Variants in ICA1 observed in about 807,000 individuals in gnomAD.
ICA1 encodes the protein islet cell autoantigen 1.
ICA1 carries 40 observed loss-of-function variants against 71.0 expected under a neutral mutation model. The ratio of observed to expected loss-of-function variants is 0.56; its 90% CI spans 0.44 to 0.73. ICA1 has a LOEUF of 0.73. Among genes scored for constraint, ICA1 ranks in the 30% least tolerant of loss-of-function variants. ICA1 has a pLI of 0.00. For synonymous variants in ICA1, 207 were observed against 209.5 expected (o/e 0.99, Z 0.10); for missense variants, 578 against 576.5 (o/e 1.00, Z -0.03).
chr7:8,174,742 C>G (rs1406557823), intron 6 of ICA1, among the ~76,000 whole-genome samples: 1 of 58,024 alleles, frequency 1.7e-5, no homozygotes, highest in African/African-American at 3.9e-5. Flanking sequence ...GGTGACACAG[C>G]CAGACTGTAT....
chr7:8,188,547 CT>C (rs1396565946), intron 6 of ICA1, among the ~76,000 whole-genome samples: 1 of 152,138 alleles, frequency 6.6e-6, no homozygotes, highest in Non-Finnish European at 1.5e-5. Context: ...TCGATTGTTA[CT>C]ATTTTAAAAG....
chr7:8,178,045 TC>T (rs1020210292), intron 6 of ICA1, among the ~76,000 whole-genome samples: 3 of 152,202 alleles, frequency 2.0e-5, no homozygotes, highest in African/African-American at 7.2e-5. Context: ...TCTACCTCCA[TC>T]TTTGGCTTCT....
At chr7:8,221,792 T>C (rs1222258413) in intron 4 of ICA1, among the ~76,000 whole-genome samples, 2 of 152,222 alleles carry the variant, frequency 1.3e-5, no homozygotes, top group African/African-American at 4.8e-5. Flanking sequence ...CTCATTATTC[T>C]CTCCTGCTGA....
chr7:8,152,390 G>A (rs1019391142), intron 8 of ICA1, among the ~76,000 whole-genome samples: 5 of 151,954 alleles, frequency 3.3e-5, no homozygotes, highest in African/African-American at 1.2e-4. Flanking sequence ...TTCATAGTAA[G>A]TACATCCCCA....
chr7:8,242,918 T>C (rs1804508327), intron 1 of ICA1, among the ~76,000 whole-genome samples: 1 of 151,912 alleles, frequency 6.6e-6, no homozygotes, highest in African/African-American at 2.4e-5. Flanking sequence ...ATTGAGGCAA[T>C]AATTAATAGC....
intron 13 of ICA1, among the ~76,000 whole-genome samples, chr7:8,122,540 T>C (rs1218003118): frequency 6.6e-6 from 1 of 152,248 alleles, no homozygotes; most frequent in African/African-American, 2.4e-5. Flanking sequence ...CTCCGTTCCA[T>C]TGCCTTGTGC....
At chr7:8,127,703 T>G (rs1789803795) in intron 13 of ICA1, among the ~76,000 whole-genome samples, 170 bp downstream of exon 13, 1 of 152,152 alleles carries the variant, frequency 6.6e-6, no homozygotes, top group Admixed American at 6.5e-5. Context: ...AGGAATGTAT[T>G]TTAAACCCTG....
At chr7:8,169,186 G>A (rs1219697921) in intron 6 of ICA1, among the ~76,000 whole-genome samples, 1 of 152,078 alleles carries the variant, frequency 6.6e-6, no homozygotes, top group Admixed American at 6.6e-5. Context: ...GTTGTTGCAT[G>A]TATTAGTAGT....
intron 6 of ICA1, among the ~76,000 whole-genome samples, chr7:8,160,996 G>A (rs1803564385): frequency 6.6e-6 from 1 of 152,164 alleles, no homozygotes; most frequent in African/African-American, 2.4e-5. Flanking sequence ...CGGTTGCTCT[G>A]GCCAGGAAGG....
rs112022004 is a variant in ICA1, at chr7:8,254,346, G to C, written c.-80+7748C>G. Reference sequence around the variant, plus strand: ...GGCAGGTAAATCATGTTTGAGTTTGGGCTGGCTTAGGAGCAGGGAATGCAG... The same window carrying C: ...GGCAGGTAAATCATGTTTGAGTTTGCGCTGGCTTAGGAGCAGGGAATGCAG... On this transcript the variant is annotated intron_variant, in intron 1 of 13. Coordinates refer to ENST00000402384, the MANE Select transcript of ICA1 (RefSeq NM_001136020.3). Among the ~76,000 whole-genome samples the C allele has an allele frequency of 6.7e-3, 1,021 of 151,780 alleles. 6 individuals are homozygous for C. Among genetic ancestry groups the C allele is most frequent in the Non-Finnish European group, 0.01 (703 of 67,950 alleles).
At chr7:8,245,813 C>T (rs950990799) in intron 1 of ICA1, among the ~76,000 whole-genome samples, 2 of 152,092 alleles carry the variant, frequency 1.3e-5, no homozygotes, top group African/African-American at 2.4e-5. Context: ...AAGAGCCACA[C>T]GGGGTTAGTG....
intron 6 of ICA1, among the ~76,000 whole-genome samples, chr7:8,207,427 T>C (rs1204073742): frequency 6.6e-6 from 1 of 152,230 alleles, no homozygotes; most frequent in African/African-American, 2.4e-5. Flanking sequence ...CTGAGTTCCA[T>C]TGATCTTGCT....
rs1007208407 is a variant in ICA1 at position 8,234,264 on chromosome 7, T to A, written c.18-1509A>T. Among the ~76,000 whole-genome samples, 3 of 152,018 alleles carry A rather than the reference T, an allele frequency of 2.0e-5. No homozygotes were observed. Among genetic ancestry groups the A allele is most frequent in the Non-Finnish European group, 2.9e-5 (2 of 67,986 alleles). ...AAAAGAGAAAAGAAACAAAAGTAAT[T>A]GAAAATGAAATGGAATTGTGTAAAA... is the stretch of plus-strand genomic sequence containing the variant. On this transcript the variant is annotated intron_variant, in intron 2 of 13. Coordinates refer to ENST00000402384, the MANE Select transcript of ICA1 (RefSeq NM_001136020.3). This position sits in a 1 kb window ranked among gnomAD's most constrained non-coding sequence, Gnocchi z 4.5.
chr7:8,204,779 A>G (rs4725076), intron 6 of ICA1, among the ~76,000 whole-genome samples: 120,693 of 152,074 alleles, frequency 0.79, 50,515 homozygotes, highest in South Asian at 0.91. Flanking sequence ...ATTAAATCGT[A>G]AGAAAGTTCA....
chr7:8,166,927 T>A (rs1470742728), intron 6 of ICA1, among the ~76,000 whole-genome samples: 1 of 151,976 alleles, frequency 6.6e-6, no homozygotes, highest in Non-Finnish European at 1.5e-5. Context: ...AAAACTACAG[T>A]AAGATATATC....
At chr7:8,203,984 C>A (rs1281442187) in intron 6 of ICA1, among the ~76,000 whole-genome samples, 1 of 151,892 alleles carries the variant, frequency 6.6e-6, no homozygotes, top group Non-Finnish European at 1.5e-5. Flanking sequence ...AAAACGACTC[C>A]CAGAATAAGG....
rs939811630 is a variant in ICA1, at chr7:8,223,474, T to C, written c.257-2076A>G. 1.3e-5 allele frequency: 2 copies of C among 154,612 alleles called. No homozygotes were observed. The highest frequency in any genetic ancestry group is 4.8e-5 in the African/African-American group (2 of 41,528). The allele number at this position is 154,612 out of a possible 1,614,324, so 9.6% of individuals were successfully genotyped here. A position where few individuals can be genotyped will look rare whatever the true frequency, so the allele number is the denominator to read the frequency against. Reference sequence around the variant, plus strand: ...CATTTTAGGTGCTGACTCTGATTACTTGGCAATACTTACTCAGAGGGCAGT... The same window carrying C: ...CATTTTAGGTGCTGACTCTGATTACCTGGCAATACTTACTCAGAGGGCAGT... On this transcript the variant is annotated intron_variant, in intron 4 of 13. Coordinates refer to ENST00000402384, the MANE Select transcript of ICA1 (RefSeq NM_001136020.3). The surrounding 1 kb of genome is among the most constrained non-coding windows in gnomAD (Gnocchi z 4.1).
rs760684305 is a variant in ICA1, at chr7:8,139,084, C to G, written c.956-37G>C. 4.6e-6 allele frequency: 7 copies of G among 1,518,086 alleles called. No individual in the cohort carries two copies. The African/African-American group carries it at 8.2e-5, about 18-fold the overall frequency. 94.0% of individuals were successfully genotyped at this position (1,518,086 alleles called of 1,614,324 possible). A position where few individuals can be genotyped will look rare whatever the true frequency, so the allele number is the denominator to read the frequency against. On this transcript the variant is annotated intron_variant, in intron 10 of 13. Coordinates refer to ENST00000402384, the MANE Select transcript of ICA1 (RefSeq NM_001136020.3). ...CATGTGCAACTGGTTACCAACAACT[C>G]GAAATGGTGTGCATGTTCATACGCT... is the stretch of plus-strand genomic sequence containing the variant.
chr7:8,227,185 C>T (rs193216065), intron 4 of ICA1, among the ~76,000 whole-genome samples: 5 of 152,244 alleles, frequency 3.3e-5, no homozygotes, highest in African/African-American at 1.2e-4. Context: ...TTCCAGAACA[C>T]AAGGTTTAAG....
Sources: gnomAD v4.1 joint callset for allele counts (sites outside exome capture counted in the v4.1 genomes callset) on GRCh38, gnomAD v4.1.1 for gene constraint, Gnocchi (gnomAD v3.1) non-coding constraint, MANE v1.5 for transcripts, NCBI Gene and HGNC (gene_info 2026-07-23, HGNC 2026-07-21) for gene names.